Variants in MCPH1 observed in about 807,000 individuals in gnomAD.
MCPH1 encodes the protein microcephalin 1, also known as microcephalin.
MCPH1 carries 104 observed loss-of-function variants against 84.5 expected under a neutral mutation model. The observed-to-expected ratio is 1.23, with a 90% confidence interval of 1.05 to 1.45. The LOEUF (loss-of-function observed/expected upper bound fraction) is 1.45. MCPH1 is among the 40% of genes most tolerant of loss of function. MCPH1 has a pLI of 0.00. For synonymous variants in MCPH1, 514 were observed against 366.8 expected (o/e 1.40, Z -4.58); for missense variants, 1,498 against 1,005.7 (o/e 1.49, Z -6.62).
intron 12 of MCPH1, among the ~76,000 whole-genome samples, chr8:6,597,478 A>G (rs1435716937): frequency 6.6e-6 from 1 of 152,108 alleles, no homozygotes; most frequent in Non-Finnish European, 1.5e-5. Context: ...TGCCATTGGA[A>G]ATACCGAAGA....
intron 11 of MCPH1, among the ~76,000 whole-genome samples, chr8:6,484,572 A>G (rs1490956639): frequency 6.6e-6 from 1 of 152,234 alleles, no homozygotes; most frequent in African/African-American, 2.4e-5. Context: ...CTGTACGCGA[A>G]TATTTGTAGC....
chr8:6,439,378 A>AC (rs1803158553), intron 6 of MCPH1, among the ~76,000 whole-genome samples: 1 of 151,038 alleles, frequency 6.6e-6, no homozygotes, highest in Non-Finnish European at 1.5e-5. Flanking sequence ...TTTTTAAAAA[A>AC]AAATGAATCA....
At position 6,644,933 on chromosome 8, in the gene MCPH1, C is replaced by A. The variant is rs960549366; in HGVS notation, c.*1884C>A. Reference sequence around the variant, plus strand: ...TCTTGGTTTTAAAATAATGTATACACCTAAATCATCCCCTTATGATACTCA... The same window carrying A: ...TCTTGGTTTTAAAATAATGTATACAACTAAATCATCCCCTTATGATACTCA... On this transcript the variant is annotated 3_prime_UTR_variant, in exon 14 of 14. Transcript: ENST00000344683. The A allele has an allele frequency of 6.6e-6, 1 of 152,180 alleles. No homozygotes were observed. The highest frequency in any genetic ancestry group is 1.5e-5 in the Non-Finnish European group (1 of 68,036). 9.4% of individuals were successfully genotyped at this position (152,180 alleles called of 1,614,324 possible).
intron 10 of MCPH1, among the ~76,000 whole-genome samples, 174 bp downstream of exon 10, chr8:6,477,805 C>T (rs1303481201): frequency 2.0e-5 from 3 of 152,168 alleles, no homozygotes; most frequent in Non-Finnish European, 2.9e-5. Flanking sequence ...CAAATGTGAG[C>T]GACTTAGCCT....
intron 12 of MCPH1, chr8:6,532,573 TTAA>T: frequency 1.3e-6 from 1 of 758,444 alleles, no homozygotes; most frequent in Non-Finnish European, 1.8e-6. Flanking sequence ...CTCCCTATCT[TTAA>T]AAAAAAAAAA....
chr8:6,416,476 G>A (rs563454052), intron 3 of MCPH1, among the ~76,000 whole-genome samples: 1 of 152,294 alleles, frequency 6.6e-6, no homozygotes, highest in Non-Finnish European at 1.5e-5. Flanking sequence ...GGCTGAGGAC[G>A]TTCCCATTCC....
At chr8:6,477,306 A>G (rs1380203846) in intron 9 of MCPH1, 3 of 398,718 alleles carry the variant, frequency 7.5e-6, no homozygotes, top group Non-Finnish European at 1.4e-5. Context: ...ACACACTTGG[A>G]GGTCTGCTGG....
chr8:6,527,518 C>G, intron 12 of MCPH1: 1 of 1,597,100 alleles, frequency 6.3e-7, no homozygotes, highest in Non-Finnish European at 8.5e-7. Flanking sequence ...GGAAAGTGTG[C>G]AGTCCTGAAT....
chr8:6,564,609 A>G lies in MCPH1; in HGVS notation c.2215-56845A>G, dbSNP rs140986495. Reference sequence around the variant, plus strand: ...GTTTATCTCTCAAGGTACAAGGTTTATTATTCCCAGTGAGCGCTGAATAGC... The same window carrying G: ...GTTTATCTCTCAAGGTACAAGGTTTGTTATTCCCAGTGAGCGCTGAATAGC... On this transcript the variant is annotated intron_variant, in intron 12 of 13. Transcript: ENST00000344683. Among the ~76,000 whole-genome samples, 6 of 152,310 alleles carry G rather than the reference A, an allele frequency of 3.9e-5. No individual in the cohort carries two copies. The East Asian group carries it at 1.2e-3, about 29-fold the overall frequency.
intron 13 of MCPH1, among the ~76,000 whole-genome samples, chr8:6,628,267 G>T (rs949204389): frequency 6.6e-6 from 1 of 151,862 alleles, no homozygotes; most frequent in Non-Finnish European, 1.5e-5. Context: ...TCAGGAGATC[G>T]AGACCATCCT....
chr8:6,492,260 C>T (rs1810697126), intron 11 of MCPH1, among the ~76,000 whole-genome samples: 1 of 152,218 alleles, frequency 6.6e-6, no homozygotes, highest in South Asian at 2.1e-4. Flanking sequence ...TGTCTGTTGG[C>T]TGCATAAATG....
intron 12 of MCPH1, among the ~76,000 whole-genome samples, chr8:6,610,630 A>C (rs748703800): frequency 1.3e-5 from 2 of 152,134 alleles, no homozygotes; most frequent in African/African-American, 4.8e-5. Context: ...TTCCCCCATG[A>C]TGAAAAACTA....
chr8:6,479,473 C>T (rs1319519838), intron 10 of MCPH1, among the ~76,000 whole-genome samples: 5 of 151,248 alleles, frequency 3.3e-5, no homozygotes, highest in Non-Finnish European at 7.4e-5. Flanking sequence ...CTCCCTCTGT[C>T]ACCCAGGCTG....
intron 12 of MCPH1, chr8:6,509,012 C>G (rs773590255): frequency 1.2e-6 from 2 of 1,614,070 alleles, no homozygotes; most frequent in Non-Finnish European, 1.7e-6. Context: ...TCCTGGTTGG[C>G]TGATGCTGCT....
intron 12 of MCPH1, among the ~76,000 whole-genome samples, chr8:6,551,677 A>G (rs1041912869): frequency 6.6e-6 from 1 of 152,224 alleles, no homozygotes; most frequent in African/African-American, 2.4e-5. Context: ...AATTTTTTAT[A>G]TTAAAGTTGG....
chr8:6,489,920 A>T (rs969865133), intron 11 of MCPH1, among the ~76,000 whole-genome samples: 102 of 152,274 alleles, frequency 6.7e-4, no homozygotes, highest in African/African-American at 2.0e-3. Flanking sequence ...CTTTAAATGG[A>T]TAAGGCTAAA....
intron 6 of MCPH1, among the ~76,000 whole-genome samples, chr8:6,440,365 G>A (rs1046086583): frequency 1.3e-5 from 2 of 152,050 alleles, no homozygotes; most frequent in Admixed American, 6.6e-5. Context: ...AGTACTTCGT[G>A]TATTTCAATA....
chr8:6,646,134 C>G lies in MCPH1; in HGVS notation c.*3085C>G, dbSNP rs1157431259. ...ACTGTCAGTAAAACTACAATAATTA[C>G]AAAGTATCAGCCAGGTGCCGTGGCT... On this transcript the variant is annotated 3_prime_UTR_variant, in exon 14 of 14. Coordinates refer to ENST00000344683, the MANE Select transcript of MCPH1 (RefSeq NM_024596.5). 6.6e-6 allele frequency: 1 copy of G among 152,142 alleles called. No homozygotes were observed. Among genetic ancestry groups the G allele is most frequent in the Non-Finnish European group, 1.5e-5 (1 of 68,020 alleles). The allele number at this position is 152,142 out of a possible 1,614,324, so 9.4% of individuals were successfully genotyped here.
At chr8:6,488,002 C>T (rs1469126252) in intron 11 of MCPH1, among the ~76,000 whole-genome samples, 2 of 152,220 alleles carry the variant, frequency 1.3e-5, no homozygotes, top group Admixed American at 1.3e-4. Context: ...CATTTATCTC[C>T]AGGACACCTA....
Sources: gnomAD v4.1 joint callset for allele counts (sites outside exome capture counted in the v4.1 genomes callset) on GRCh38, gnomAD v4.1.1 for gene constraint, MANE v1.5 for transcripts, NCBI Gene and HGNC (gene_info 2026-07-23, HGNC 2026-07-21) for gene names.